Variants in PTPRR observed in about 807,000 individuals in gnomAD.
PTPRR encodes the protein receptor-type tyrosine-protein phosphatase R.
PTPRR carries 38 observed loss-of-function variants against 77.2 expected under a neutral mutation model. That is an observed-to-expected ratio of 0.49 (90% CI 0.38 to 0.65). PTPRR has a LOEUF of 0.65. Among genes scored for constraint, PTPRR ranks in the 30% least tolerant of loss-of-function variants. The pLI is 0.00. For missense variants in PTPRR, 744 were observed against 799.2 expected (o/e 0.93, Z 0.83); for synonymous variants, 299 against 283.1 (o/e 1.06, Z -0.57).
intron 2 of PTPRR, among the ~76,000 whole-genome samples, chr12:70,796,794 C>A (rs1891523386): frequency 6.6e-6 from 1 of 152,212 alleles, no homozygotes; most frequent in South Asian, 2.1e-4. Context: ...CTTTGGGAGG[C>A]TGAGGCAGGT....
At chr12:70,784,085 G>A (rs1891268007) in intron 2 of PTPRR, among the ~76,000 whole-genome samples, 1 of 152,190 alleles carries the variant, frequency 6.6e-6, no homozygotes, top group African/African-American at 2.4e-5. Context: ...GGCTGCAGCT[G>A]AGGGCAGAGG....
intron 6 of PTPRR, among the ~76,000 whole-genome samples, chr12:70,706,819 C>T (rs914920557): frequency 2.6e-5 from 4 of 152,022 alleles, no homozygotes; most frequent in Non-Finnish European, 5.9e-5. Flanking sequence ...GCAACTTGGA[C>T]CTTAGACTGC....
intron 5 of PTPRR, among the ~76,000 whole-genome samples, chr12:70,752,423 A>C (rs757058093): frequency 2.0e-5 from 3 of 152,200 alleles, no homozygotes; most frequent in Admixed American, 6.5e-5. Flanking sequence ...CTCTGGCCCC[A>C]AGTGGTTGAG....
chr12:70,674,939 T>G (rs1209323009), intron 10 of PTPRR, among the ~76,000 whole-genome samples: 1 of 152,126 alleles, frequency 6.6e-6, no homozygotes, highest in Non-Finnish European at 1.5e-5. Context: ...TTTATATATT[T>G]AGAATCTTAC....
At chr12:70,816,651 T>C (rs1891907573) in intron 2 of PTPRR, among the ~76,000 whole-genome samples, 1 of 152,022 alleles carries the variant, frequency 6.6e-6, no homozygotes, top group Non-Finnish European at 1.5e-5. Flanking sequence ...TTTAAACATA[T>C]GTGGTGTGTG....
At chr12:70,644,403 T>C (rs977911757) in intron 13 of PTPRR, among the ~76,000 whole-genome samples, 2 of 152,160 alleles carry the variant, frequency 1.3e-5, no homozygotes, top group Non-Finnish European at 2.9e-5. Context: ...CCAAGTTCAT[T>C]ACCAGGGGGG....
At chr12:70,833,952 G>A (rs1892259320) in intron 2 of PTPRR, among the ~76,000 whole-genome samples, 1 of 152,136 alleles carries the variant, frequency 6.6e-6, no homozygotes, top group Admixed American at 6.6e-5. Flanking sequence ...GACTCTATCA[G>A]TGGGCTTTCT....
intron 2 of PTPRR, among the ~76,000 whole-genome samples, chr12:70,872,586 C>T (rs1892977661): frequency 1.3e-5 from 2 of 150,276 alleles, no homozygotes; most frequent in South Asian, 2.1e-4. Context: ...GTCCCAGCTA[C>T]TCGGGAGGCT....
chr12:70,759,700 A>AAC (rs1555173442), intron 4 of PTPRR, among the ~76,000 whole-genome samples: 7 of 149,982 alleles, frequency 4.7e-5, no homozygotes, highest in African/African-American at 9.9e-5. Context: ...AAAAAAAAAA[A>AAC]AAAAAACAAA....
rs990220042 is a variant in PTPRR at position 70,754,431 on chromosome 12, C to T, written c.628-130G>A. On this transcript the variant is annotated intron_variant, in intron 4 of 13. Coordinates refer to ENST00000283228, the MANE Select transcript of PTPRR (RefSeq NM_002849.4). ...TGCAACACACCTACACCCCCCGCTG[C>T]CAGAGCTGCTTCTCAAACTGATCTA... The T allele has an allele frequency of 3.8e-6, 6 of 1,564,506 alleles. No homozygotes were observed. The African/African-American group carries it at 6.9e-5, about 18-fold the overall frequency.
At chr12:70,857,196 A>G (rs1295470362) in intron 2 of PTPRR, among the ~76,000 whole-genome samples, 1 of 152,170 alleles carries the variant, frequency 6.6e-6, no homozygotes, top group African/African-American at 2.4e-5. Context: ...CAGTCAAAAT[A>G]AAGGAGCTGG....
chr12:70,664,806 C>G (rs539024063), intron 10 of PTPRR: 5 of 152,318 alleles, frequency 3.3e-5, no homozygotes, highest in African/African-American at 1.2e-4. Flanking sequence ...ATTAGCATCC[C>G]ATCTCCTTTC....
In PTPRR at chr12:70,676,355, C is replaced by A. The variant is rs1001279643; in HGVS notation, c.1497+7772G>T. Among the ~76,000 whole-genome samples the A allele has an allele frequency of 2.0e-5, 3 of 151,750 alleles. No individual in the cohort carries two copies. The East Asian group carries it at 5.8e-4, about 29-fold the overall frequency. ...TATTTGTTGTTTTAAATCTTCATAG[C>A]CTTTTTGGATAGTAACTTGTTCCTG... On this transcript the variant is annotated intron_variant, in intron 10 of 13. Coordinates refer to ENST00000283228, the MANE Select transcript of PTPRR (RefSeq NM_002849.4).
At chr12:70,725,194 G>A (rs1330639768) in intron 6 of PTPRR, among the ~76,000 whole-genome samples, 5 of 152,206 alleles carry the variant, frequency 3.3e-5, no homozygotes, top group South Asian at 2.1e-4. Context: ...AAGAGCATAC[G>A]AGACATTCAG....
At chr12:70,817,449 A>G (rs1283906640) in intron 2 of PTPRR, among the ~76,000 whole-genome samples, 3 of 152,228 alleles carry the variant, frequency 2.0e-5, no homozygotes, top group African/African-American at 4.8e-5. Context: ...GGAACCATAC[A>G]CTGAACTACT....
At chr12:70,686,889 T>C (rs1284463159) in intron 8 of PTPRR, among the ~76,000 whole-genome samples, 1 of 152,184 alleles carries the variant, frequency 6.6e-6, no homozygotes, top group Non-Finnish European at 1.5e-5. Context: ...TATAAATGTG[T>C]ATTGTTTTAA....
At position 70,646,463 on chromosome 12, in the gene PTPRR, A is replaced by AT. The variant is rs1047307631; in HGVS notation, c.1881-7187dup. On this transcript the variant is annotated intron_variant, in intron 13 of 13. Coordinates refer to ENST00000283228, the MANE Select transcript of PTPRR (RefSeq NM_002849.4). The stretch of plus-strand genomic sequence containing the variant: ...ATGAGTCTAACATATTTTGAGTTCC[A>AT]TTTTTTTTTCCTCTGAAAATTAGCC... Among the ~76,000 whole-genome samples, 16 of 151,376 alleles carry AT rather than the reference A, an allele frequency of 1.1e-4. No individual in the cohort carries two copies. In the East Asian group the frequency reaches 1.6e-3, roughly 15 times the overall value.
chr12:70,639,655 G>T, intron 13 of PTPRR: 1 of 250,566 alleles, frequency 4.0e-6, no homozygotes, highest in Non-Finnish European at 6.5e-6. Flanking sequence ...GAAACCCCTT[G>T]CACTTTAGTT....
intron 10 of PTPRR, among the ~76,000 whole-genome samples, chr12:70,670,168 G>A (rs1470898194): frequency 6.6e-6 from 1 of 152,184 alleles, no homozygotes; most frequent in Non-Finnish European, 1.5e-5. Flanking sequence ...TGTAAATGTA[G>A]AGAAAGAGTA....
Sources: allele counts gnomAD v4.1 joint callset (sites outside exome capture counted in the v4.1 genomes callset), GRCh38; gene constraint gnomAD v4.1.1; transcripts MANE v1.5; gene names NCBI Gene and HGNC (gene_info 2026-07-23, HGNC 2026-07-21).